Variants in LPP observed in about 807,000 individuals in gnomAD.
LPP encodes the protein lipoma-preferred partner.
Under a neutral mutation model 60.4 loss-of-function variants are expected in LPP, and 38 were observed. That is an observed-to-expected ratio of 0.63 (90% confidence interval 0.49 to 0.83). The LOEUF (loss-of-function observed/expected upper bound fraction) is 0.83, where lower values mean the gene tolerates loss of function less well. LPP is among the 40% of genes least tolerant of loss of function. LPP has a pLI of 0.00. For synonymous variants in LPP, 328 were observed against 290.8 expected (o/e 1.13, Z -1.30); for missense variants, 902 against 783.6 (o/e 1.15, Z -1.80).
intron 6 of LPP, among the ~76,000 whole-genome samples, chr3:188,608,643 G>A (rs1487087897): frequency 6.6e-6 from 1 of 152,104 alleles, no homozygotes; most frequent in East Asian, 1.9e-4. Flanking sequence ...GATTGATAAG[G>A]CTTTTTGTGG....
At chr3:188,232,504 A>ATTTTTTTTTTTTTTT (rs71634069) in intron 2 of LPP, among the ~76,000 whole-genome samples, 28 of 103,228 alleles carry the variant, frequency 2.7e-4, no homozygotes, top group African/African-American at 2.5e-4. Flanking sequence ...ACACCCGGCT[A>ATTTTTTTTTTTTTTT]TTTTTTTTTT....
chr3:188,399,848 A>G (rs1781831685), intron 3 of LPP, among the ~76,000 whole-genome samples: 1 of 152,150 alleles, frequency 6.6e-6, no homozygotes, highest in Non-Finnish European at 1.5e-5. Flanking sequence ...ATTGATTTGG[A>G]CGAAAAAAAG....
rs184828089 is a variant in LPP at position 188,770,783 on chromosome 3, G to C, written c.1410+10501G>C. Among the ~76,000 whole-genome samples the C allele has an allele frequency of 5.3e-5, 8 of 152,248 alleles. No homozygotes were observed. In the East Asian group the frequency reaches 1.5e-3, roughly 29 times the overall value. On this transcript the variant is annotated intron_variant, in intron 9 of 11. Coordinates refer to ENST00000617246, the MANE Select transcript of LPP (RefSeq NM_001375462.1). ...TAAATGATTTTAAGGAAAGAATATA[G>C]AATTTAAAGTGAGACCTGGTTCACA... is the stretch of plus-strand genomic sequence containing the variant.
chr3:188,320,258 G>C (rs901672252), intron 2 of LPP, among the ~76,000 whole-genome samples: 6 of 152,168 alleles, frequency 3.9e-5, no homozygotes, highest in Admixed American at 3.9e-4. Context: ...TTATTGACTA[G>C]TCCTCAAACT....
At chr3:188,200,395 A>G (rs574813386) in intron 1 of LPP, among the ~76,000 whole-genome samples, 1 of 152,098 alleles carries the variant, frequency 6.6e-6, no homozygotes, top group Admixed American at 6.5e-5. Context: ...GATTACAGGC[A>G]CATGCCACCA....
intron 6 of LPP, among the ~76,000 whole-genome samples, chr3:188,535,259 TGTAAA>T (rs1298547081): frequency 6.6e-6 from 1 of 152,176 alleles, no homozygotes; most frequent in Non-Finnish European, 1.5e-5. Flanking sequence ...AATATTTCAA[TGTAAA>T]GTAAAAATTT....
intron 8 of LPP, among the ~76,000 whole-genome samples, chr3:188,717,689 G>A: frequency 6.6e-6 from 1 of 152,044 alleles, no homozygotes; most frequent in Admixed American, 6.6e-5. Context: ...TTCTTTTGTG[G>A]TAGTGACTTC....
rs1243102301 is a variant in LPP, at chr3:188,708,272, C to A, written c.1119C>A (p.Gly373=). The change falls in exon 8 of 12, where the codon GGC becomes GGA. Residue 373 remains glycine (G), a synonymous_variant. Transcript: ENST00000617246. ...PCAPPLQPKG[G]HSGQLGPSSV... is the part of the protein sequence containing the mutation. The stretch of plus-strand genomic sequence containing the variant: ...GTGTGCTTTCTGCCTTTCAGGGTGG[C>A]CATTCAGGGCAACTGGGGCCTTCGT... The A allele has an allele frequency of 1.2e-6, 2 of 1,613,900 alleles. No homozygotes were observed. Among genetic ancestry groups the A allele is most frequent in the East Asian group, 2.2e-5 (1 of 44,888 alleles).
Position 188,642,050 on chromosome 3 carries a change from C to G in LPP, c.1113+32206C>G, listed in dbSNP as rs1030634597. On this transcript the variant is annotated intron_variant, in intron 7 of 11. Transcript: ENST00000617246. ...TTGCGCTTGATAATTATTGGTGATA[C>G]TGACATCTGCCCATGCTTACTTCAT... Among the ~76,000 whole-genome samples the G allele has an allele frequency of 5.9e-5, 9 of 152,154 alleles. 1 individual carries two copies. Among genetic ancestry groups the G allele is most frequent in the Admixed American group, 3.3e-4 (5 of 15,286 alleles).
rs10689970 is a variant in LPP, at chr3:188,422,913, TTGTGTGTGTGTGTGTGTGTG to T, written c.193+16626_193+16645del. On this transcript the variant is annotated intron_variant, in intron 4 of 11. Coordinates refer to ENST00000617246, the MANE Select transcript of LPP (RefSeq NM_001375462.1). ...CATATTTTTCTTTTTGGTGTCTTCT[TTGTGTGTGTGTGTGTGTGTG>T]TGTGTGTGTGTGTGTGTGTGTGTGT... Among the ~76,000 whole-genome samples the T allele has an allele frequency of 7.5e-5, 10 of 133,874 alleles. 1 individual carries two copies. Among genetic ancestry groups the T allele is most frequent in the South Asian group, 2.5e-4 (1 of 4,034 alleles). 87.8% of individuals were successfully genotyped at this position (133,874 alleles called of 152,430 possible).
chr3:188,199,295 G>T (rs1258080401), intron 1 of LPP, among the ~76,000 whole-genome samples: 1 of 152,098 alleles, frequency 6.6e-6, no homozygotes, highest in Non-Finnish European at 1.5e-5. Context: ...TTATTGGTCG[G>T]AGTAGTCCCC....
intron 3 of LPP, among the ~76,000 whole-genome samples, chr3:188,349,307 T>G (rs1007734141): frequency 6.6e-6 from 1 of 152,312 alleles, no homozygotes; most frequent in African/African-American, 2.4e-5. Context: ...TACTCAAAAC[T>G]AATGAAATAT....
intron 9 of LPP, among the ~76,000 whole-genome samples, chr3:188,761,009 T>G (rs1732146951): frequency 6.6e-6 from 1 of 152,248 alleles, no homozygotes; most frequent in South Asian, 2.1e-4. Flanking sequence ...AACTATTCTC[T>G]GGTAGAGTAA....
intron 4 of LPP, among the ~76,000 whole-genome samples, chr3:188,462,669 CAATTTAGAAGCATAT>C (rs1473286303): frequency 7.5e-6 from 1 of 132,532 alleles, no homozygotes; most frequent in Non-Finnish European, 1.6e-5. Context: ...AATTTTGTTC[CAATTTAGAAGCATAT>C]AAAAGTTTGT....
intron 7 of LPP, among the ~76,000 whole-genome samples, chr3:188,624,591 G>A (rs1057485386): frequency 6.6e-5 from 10 of 152,160 alleles, no homozygotes; most frequent in African/African-American, 2.2e-4. Context: ...AAAAGCCCAG[G>A]ACTGTTCAGC....
chr3:188,691,982 A>T (rs1272969788), intron 7 of LPP, among the ~76,000 whole-genome samples: 3 of 152,244 alleles, frequency 2.0e-5, no homozygotes, highest in African/African-American at 7.2e-5. Context: ...CATAAAAAAA[A>T]AACCACTTTT....
At chr3:188,427,317 G>A (rs1454868093) in intron 4 of LPP, among the ~76,000 whole-genome samples, 1 of 152,210 alleles carries the variant, frequency 6.6e-6, no homozygotes, top group East Asian at 1.9e-4. Flanking sequence ...TCTGCAGAGA[G>A]ATCTGCTGTT....
intron 9 of LPP, among the ~76,000 whole-genome samples, chr3:188,819,027 CGTGTGTGTGTGT>C (rs59994224): frequency 5.8e-4 from 82 of 142,290 alleles, no homozygotes; most frequent in East Asian, 4.8e-3. Context: ...TCATGGGGGT[CGTGTGTGTGTGT>C]GTGTGTGTGT....
At chr3:188,568,564 T>C (rs1832757658) in intron 6 of LPP, 1 of 151,912 alleles carries the variant, frequency 6.6e-6, no homozygotes, top group Non-Finnish European at 1.5e-5. Context: ...TATAGACCAG[T>C]ACTCAGGGTC....
Sources: allele counts gnomAD v4.1 joint callset (sites outside exome capture counted in the v4.1 genomes callset), GRCh38; gene constraint gnomAD v4.1.1; transcripts MANE v1.5; gene names NCBI Gene and HGNC (gene_info 2026-07-23, HGNC 2026-07-21).